Variants in IQCK observed in about 807,000 individuals in gnomAD.
IQCK encodes the protein IQ domain-containing protein K.
IQCK carries 29 observed loss-of-function variants against 28.1 expected under a neutral mutation model. The observed-to-expected ratio is 1.03, with a 90% CI of 0.77 to 1.41. The LOEUF is 1.41. IQCK is among the 40% of genes most tolerant of loss of function. The pLI, the probability that IQCK is intolerant of heterozygous loss-of-function variation, is 0.00. For missense variants in IQCK, 359 were observed against 314.7 expected, an observed-to-expected ratio of 1.14 and a Z score of -1.07; for synonymous variants, 113 against 115.1, an observed-to-expected ratio of 0.98 and a Z score of 0.12.
At chr16:19,814,927 C>T (rs1270981958) in intron 7 of IQCK, among the ~76,000 whole-genome samples, 2 of 151,348 alleles carry the variant, frequency 1.3e-5, no homozygotes, top group African/African-American at 2.4e-5. Context: ...GCTGGAAATA[C>T]AGGCATGCAC....
intron 9 of IQCK, among the ~76,000 whole-genome samples, chr16:19,845,903 C>G (rs922369864): frequency 5.3e-5 from 8 of 151,810 alleles, no homozygotes; most frequent in African/African-American, 1.9e-4. Flanking sequence ...GGTGAAACCC[C>G]ATCTCTACCA....
exon 3 of IQCK, chr16:19,733,805 G>C: frequency 6.2e-7 from 1 of 1,614,012 alleles, no homozygotes; most frequent in Non-Finnish European, 8.5e-7. Context: ...AAGATAAATC[G>C]GAAACAATCA....
exon 10 of IQCK, chr16:19,858,301 C>T: frequency 2.3e-6 from 1 of 441,370 alleles, no homozygotes; most frequent in Non-Finnish European, 4.0e-6. Context: ...ACCCTAAGTG[C>T]GATAACATAT....
At chr16:19,767,541 G>A (rs1412025165) in intron 6 of IQCK, among the ~76,000 whole-genome samples, 1 of 152,028 alleles carries the variant, frequency 6.6e-6, no homozygotes, top group Non-Finnish European at 1.5e-5. Context: ...CTCTTCTGCT[G>A]GTGTGCTCCT....
intron 4 of IQCK, among the ~76,000 whole-genome samples, chr16:19,753,015 G>A (rs1047548322): frequency 2.6e-5 from 4 of 152,016 alleles, no homozygotes; most frequent in African/African-American, 7.3e-5. Flanking sequence ...CCCTCATTTT[G>A]TGGCACCAGC....
chr16:19,729,916 T>C lies in IQCK; in HGVS notation c.182-514T>C, dbSNP rs187656555. On this transcript the variant is annotated intron_variant, in intron 1 of 7. Coordinates refer to ENST00000564186, the Ensembl canonical transcript of IQCK. ...GCCTCTGCCTCCCAAAGTGTTGGGA[T>C]TACAGGCGTGAGCCACCACGCCCGG... 4.7e-3 allele frequency among the ~76,000 whole-genome samples: 710 copies of C among 152,204 alleles called. 9 individuals carry two copies. The highest frequency in any genetic ancestry group is 0.016 in the African/African-American group (674 of 41,546).
intron 7 of IQCK, among the ~76,000 whole-genome samples, chr16:19,803,909 A>C (rs915876027): frequency 6.6e-6 from 1 of 152,178 alleles, no homozygotes; most frequent in Non-Finnish European, 1.5e-5. Context: ...TGGCCCCCCA[A>C]AGTGCTGGGA....
chr16:19,819,934 C>T (rs1268584391), intron 7 of IQCK, among the ~76,000 whole-genome samples: 2 of 151,562 alleles, frequency 1.3e-5, no homozygotes, highest in Non-Finnish European at 2.9e-5. Context: ...GAAATAAACG[C>T]ATACCTCTGT....
intron 1 of IQCK, among the ~76,000 whole-genome samples, chr16:19,726,775 G>A (rs1240226724): frequency 6.6e-6 from 1 of 152,146 alleles, no homozygotes; most frequent in East Asian, 1.9e-4. Context: ...GTATTCTGTG[G>A]GGAAATAATG....
chr16:19,808,550 G>A (rs772559399), intron 7 of IQCK, among the ~76,000 whole-genome samples: 8 of 152,092 alleles, frequency 5.3e-5, no homozygotes, highest in Non-Finnish European at 7.3e-5. Flanking sequence ...TTATCTGTAC[G>A]TGAGGCTGAT....
At chr16:19,839,631 GAATGAAT>G (rs2056342248) in intron 9 of IQCK, among the ~76,000 whole-genome samples, 1 of 152,172 alleles carries the variant, frequency 6.6e-6, no homozygotes. Context: ...CTTGTTGGTT[GAATGAAT>G]GGATCTGTGT....
At chr16:19,773,657 G>A (rs1271346089) in intron 6 of IQCK, among the ~76,000 whole-genome samples, 3 of 152,226 alleles carry the variant, frequency 2.0e-5, no homozygotes, top group Non-Finnish European at 4.4e-5. Flanking sequence ...ATGAATGGGT[G>A]TGGCTGTGTT....
At chr16:19,748,908 A>G (rs187312839) in intron 4 of IQCK, among the ~76,000 whole-genome samples, 1 of 152,204 alleles carries the variant, frequency 6.6e-6, no homozygotes, top group Non-Finnish European at 1.5e-5. Flanking sequence ...ACAAAACAAA[A>G]CAAAACAAAA....
intron 1 of IQCK, among the ~76,000 whole-genome samples, chr16:19,726,055 A>G (rs1300241096): frequency 6.6e-6 from 1 of 151,966 alleles, no homozygotes; most frequent in Non-Finnish European, 1.5e-5. Context: ...AGCTGGGACT[A>G]CAGGCGCCCG....
intron 9 of IQCK, among the ~76,000 whole-genome samples, chr16:19,840,723 C>T (rs1309420684): frequency 6.6e-6 from 1 of 152,138 alleles, no homozygotes; most frequent in Non-Finnish European, 1.5e-5. Flanking sequence ...TATCTGGGGC[C>T]ACACAGCAAA....
chr16:19,844,831 CAG>C (rs2056397945), intron 9 of IQCK, among the ~76,000 whole-genome samples: 1 of 152,108 alleles, frequency 6.6e-6, no homozygotes, highest in Non-Finnish European at 1.5e-5. Flanking sequence ...GTTTTTGAGA[CAG>C]GGTCTTGCTG....
intron 7 of IQCK, among the ~76,000 whole-genome samples, chr16:19,808,236 T>C (rs780232320): frequency 6.6e-6 from 1 of 152,198 alleles, no homozygotes; most frequent in Non-Finnish European, 1.5e-5. Flanking sequence ...CCTGCTCCTG[T>C]AGTTGTTTAA....
intron 7 of IQCK, among the ~76,000 whole-genome samples, chr16:19,814,939 A>G (rs1050876593): frequency 6.6e-6 from 1 of 151,866 alleles, no homozygotes; most frequent in Non-Finnish European, 1.5e-5. Context: ...GGCATGCACC[A>G]CCACACTTGT....
intron 7 of IQCK, among the ~76,000 whole-genome samples, chr16:19,814,220 CAAAAAAAAAAAAAAA>C (rs71146272): frequency 1.0e-4 from 2 of 19,436 alleles, no homozygotes; most frequent in Admixed American, 6.4e-4. Flanking sequence ...AACTCTATCT[CAAAAAAAAAAAAAAA>C]AAAAAAAAAA....
Sources: gnomAD v4.1 joint callset for allele counts (sites outside exome capture counted in the v4.1 genomes callset) on GRCh38, gnomAD v4.1.1 for gene constraint, MANE v1.5 for transcripts, NCBI Gene and HGNC (gene_info 2026-07-23, HGNC 2026-07-21) for gene names.